The following PHF21B variants were observed in gnomAD, a reference collection of about 807,000 sequenced individuals.
PHF21B encodes PHD finger protein 4.
A neutral mutation model predicts 62.2 loss-of-function variants in PHF21B; 22 were observed. That is an observed-to-expected ratio of 0.35 (90% CI 0.25 to 0.51). PHF21B has a LOEUF of 0.51. Ranked by LOEUF, PHF21B falls within the 20% of genes least tolerant of loss-of-function variation. The probability of loss-of-function intolerance (pLI) is 0.97; values close to 1 mark genes in which losing one functional copy is unlikely to be tolerated. For synonymous variants in PHF21B, 341 were observed against 314.7 expected, an observed-to-expected ratio of 1.08 and a Z score of -0.88; for missense variants, 701 against 707.9, an observed-to-expected ratio of 0.99 and a Z score of 0.11.
intron 2 of PHF21B, among the ~76,000 whole-genome samples, chr22:45,007,407 G>A (rs1241704656): frequency 6.7e-6 from 1 of 149,358 alleles, no homozygotes; most frequent in Non-Finnish European, 1.5e-5. Context: ...CGATCCGGCG[G>A]CCCGGGCTGG....
At position 44,933,520 on chromosome 22, in the gene PHF21B, T is replaced by G. The variant is rs113824783; in HGVS notation, c.121-13030A>C. The G allele has an allele frequency of 5.0e-4, 497 of 985,430 alleles. 2 individuals carry two copies. The African/African-American group carries it at 8.0e-3, about 16-fold the overall frequency. 61.0% of individuals were successfully genotyped at this position (985,430 alleles called of 1,614,324 possible). On this transcript the variant is annotated intron_variant, in intron 2 of 12. Transcript: ENST00000313237. ...CAGATGAGAGGTTCTGCCCGCGATC[T>G]GGGGAAACAGACCAGAAGTGAGCAT...
intron 5 of PHF21B, among the ~76,000 whole-genome samples, chr22:44,907,374 T>C (rs149452490): frequency 6.6e-6 from 1 of 152,304 alleles, no homozygotes; most frequent in African/African-American, 2.4e-5. Flanking sequence ...TGTGAGCCTG[T>C]GGTTTGTAAA....
intron 9 of PHF21B, among the ~76,000 whole-genome samples, chr22:44,888,344 T>C (rs921633453): frequency 3.3e-5 from 5 of 152,002 alleles, no homozygotes; most frequent in African/African-American, 1.2e-4. Flanking sequence ...CAGGGCCAGA[T>C]TTACTAGGGG....
chr22:44,969,462 C>T (rs1336124799), intron 2 of PHF21B, among the ~76,000 whole-genome samples: 1 of 152,018 alleles, frequency 6.6e-6, no homozygotes, highest in Non-Finnish European at 1.5e-5. Flanking sequence ...GGTCAGGAGC[C>T]CAAGACCAGC....
chr22:44,950,858 G>C (rs1185510077), intron 2 of PHF21B, among the ~76,000 whole-genome samples: 1 of 152,134 alleles, frequency 6.6e-6, no homozygotes, highest in African/African-American at 2.4e-5. Flanking sequence ...AGAGACGCTT[G>C]ATTTTTTTCT....
chr22:44,910,551 C>T (rs115776660), intron 5 of PHF21B, among the ~76,000 whole-genome samples: 1,694 of 152,194 alleles, frequency 0.011, 40 homozygotes, highest in African/African-American at 0.039. Flanking sequence ...GAATGTCTCA[C>T]GAGATCTGAT....
At chr22:45,000,412 C>T (rs929354087) in intron 2 of PHF21B, among the ~76,000 whole-genome samples, 11 of 152,108 alleles carry the variant, frequency 7.2e-5, no homozygotes, top group African/African-American at 2.4e-4. Flanking sequence ...GTAGCAGCCT[C>T]GTGTGTTCGC....
At chr22:44,925,477 T>C (rs1284121087) in intron 2 of PHF21B, among the ~76,000 whole-genome samples, 2 of 152,162 alleles carry the variant, frequency 1.3e-5, no homozygotes, top group African/African-American at 2.4e-5. Context: ...ACCTGTCCCA[T>C]GGGGGTCAAA....
intron 2 of PHF21B, among the ~76,000 whole-genome samples, chr22:44,986,946 T>C (rs780603289): frequency 1.1e-4 from 17 of 152,210 alleles, no homozygotes; most frequent in Non-Finnish European, 1.6e-4. Context: ...AAAGGGCAGA[T>C]GCAGGTGGGG....
intron 2 of PHF21B, among the ~76,000 whole-genome samples, chr22:45,007,403 G>C (rs923861868): frequency 6.6e-6 from 1 of 150,470 alleles, no homozygotes; most frequent in Non-Finnish European, 1.5e-5. Flanking sequence ...CGTCCGATCC[G>C]GCGGCCCGGG....
intron 3 of PHF21B, 31 bp from the exon 4 acceptor site, chr22:44,916,661 C>G (rs748357306): frequency 1.9e-6 from 3 of 1,589,260 alleles, no homozygotes; most frequent in Admixed American, 3.3e-5. Context: ...TGTGGTCAGA[C>G]AGGCAGACAC....
chr22:44,953,628 T>C (rs879683440), intron 2 of PHF21B, among the ~76,000 whole-genome samples: 6 of 152,100 alleles, frequency 3.9e-5, no homozygotes, highest in Admixed American at 1.3e-4. Flanking sequence ...AAAATGGAGA[T>C]TCCCCAGGGG....
In PHF21B at chr22:44,881,235, T is replaced by A. The variant is rs997722416; in HGVS notation, c.*1851A>T. ...ATTGGCGTATTTAAGACAAACACTTTTTCTCTATCCTCACTACCCACTGGA... is the reference window on the plus strand; with the variant it reads ...ATTGGCGTATTTAAGACAAACACTTATTCTCTATCCTCACTACCCACTGGA... On this transcript the variant is annotated 3_prime_UTR_variant, in exon 13 of 13. Transcript: ENST00000313237. 6.6e-6 allele frequency: 1 copy of A among 152,652 alleles called. No individual in the cohort carries two copies. The highest frequency in any genetic ancestry group is 2.4e-5 in the African/African-American group (1 of 41,450). The allele number at this position is 152,652 out of a possible 1,614,324, so 9.5% of individuals were successfully genotyped here. A position where few individuals can be genotyped will look rare whatever the true frequency, so the allele number is the denominator to read the frequency against.
At chr22:44,919,208 CATGGCCCGAT>C (rs113368598) in intron 3 of PHF21B, among the ~76,000 whole-genome samples, 41,648 of 152,144 alleles carry the variant, frequency 0.27, 6,483 homozygotes, top group African/African-American at 0.42. Context: ...CTCTTTCTGG[CATGGCCCGAT>C]CACCCTGGAC....
At chr22:44,920,748 G>C (rs181391807) in intron 2 of PHF21B, among the ~76,000 whole-genome samples, 1 of 152,314 alleles carries the variant, frequency 6.6e-6, no homozygotes, top group East Asian at 1.9e-4. Flanking sequence ...TCTTTTAAGT[G>C]AATTTTTTAT....
In PHF21B at chr22:44,913,956, T is replaced by C. The variant is rs539397669; in HGVS notation, c.697A>G (p.Ile233Val). Reference protein sequence around the residue: ...SPLHGIFQVIIIQPQVQTQPE... With the variant: ...SPLHGIFQVIVIQPQVQTQPE... ...TGCGTCTGCACTTGAGGCTGAATGA[T>C]GATGACCTGGAAGATGCCATGGAGG... Residue 233 changes from isoleucine to valine, a missense_variant, in exon 5 of 13, where the codon ATC becomes GTC. Physicochemically the swap from Ile to Val is conservative, Grantham distance 29. Coordinates refer to ENST00000313237, the MANE Select transcript of PHF21B (RefSeq NM_138415.5). 3.1e-6 allele frequency: 5 copies of C among 1,604,830 alleles called. No homozygotes were observed. Among genetic ancestry groups the C allele is most frequent in the East Asian group, 2.2e-5 (1 of 44,486 alleles).
chr22:44,970,426 G>C (rs1024373240), intron 2 of PHF21B, among the ~76,000 whole-genome samples: 2 of 152,216 alleles, frequency 1.3e-5, no homozygotes, highest in Non-Finnish European at 2.9e-5. Context: ...GGTGGGACCT[G>C]GTAGGGCTGG....
intron 2 of PHF21B, among the ~76,000 whole-genome samples, chr22:44,963,859 C>T (rs1569258743): frequency 6.6e-6 from 1 of 152,248 alleles, no homozygotes; most frequent in African/African-American, 2.4e-5. Context: ...CCACACAAGA[C>T]ATTTCTTAAT....
At chr22:45,008,911 AGTGT>A (rs1197044542) in intron 1 of PHF21B, 4 of 1,145,392 alleles carry the variant, frequency 3.5e-6, no homozygotes, top group Non-Finnish European at 4.3e-6. Context: ...AGTGAGTGTG[AGTGT>A]GAGTGTGTGC....
Sources: gnomAD v4.1 joint callset for allele counts (sites outside exome capture counted in the v4.1 genomes callset) on GRCh38, gnomAD v4.1.1 for gene constraint, MANE v1.5 for transcripts, NCBI Gene and HGNC (gene_info 2026-07-23, HGNC 2026-07-21) for gene names.